WDPCP: variants seen among roughly 807,000 people sequenced by gnomAD.
The protein encoded by WDPCP is WD repeat-containing and planar cell polarity effector protein fritz homolog.
A neutral mutation model predicts 93.1 loss-of-function variants in WDPCP; 71 were observed. The ratio of observed to expected loss-of-function variants is 0.76; its 90% CI spans 0.63 to 0.93. WDPCP has a LOEUF of 0.93. WDPCP is among the 40% of genes least tolerant of loss of function. The pLI, the probability that WDPCP is intolerant of heterozygous loss-of-function variation, is 0.00. For synonymous variants in WDPCP, 315 were observed against 315.0 expected, an observed-to-expected ratio of 1.00 and a Z score of 0.00; for missense variants, 844 against 887.4, an observed-to-expected ratio of 0.95 and a Z score of 0.62.
intron 1 of WDPCP, among the ~76,000 whole-genome samples, chr2:63,500,354 AAGAT>A (rs977645246): frequency 7.9e-5 from 12 of 152,272 alleles, no homozygotes; most frequent in African/African-American, 2.9e-4. Flanking sequence ...AATAAAGTCA[AAGAT>A]AGATAGTCTG....
intron 2 of WDPCP, among the ~76,000 whole-genome samples, chr2:63,693,870 T>C (rs933982037): frequency 1.3e-5 from 2 of 152,228 alleles, no homozygotes; most frequent in African/African-American, 4.8e-5. Context: ...ATTGTATACA[T>C]CATTTATTGA....
At chr2:63,238,779 T>C (rs184651945) in intron 14 of WDPCP, among the ~76,000 whole-genome samples, 210 of 152,284 alleles carry the variant, frequency 1.4e-3, no homozygotes, top group Middle Eastern at 6.8e-3. Flanking sequence ...AGGGGAGTAA[T>C]AGGTCTTTTC....
rs185241717 is a variant in WDPCP at position 63,287,430 on chromosome 2, G to T, written c.1812+25818C>A. Reference sequence around the variant, plus strand: ...ACTCACTCACGCTACTCTTCCTGTTGTAACACCCTAATTATTCATCCTTGC... The same window carrying T: ...ACTCACTCACGCTACTCTTCCTGTTTTAACACCCTAATTATTCATCCTTGC... On this transcript the variant is annotated intron_variant, in intron 13 of 17. Coordinates refer to ENST00000272321, the MANE Select transcript of WDPCP (RefSeq NM_015910.7). Among the ~76,000 whole-genome samples the T allele has an allele frequency of 2.5e-3, 383 of 151,680 alleles. 1 individual carries two copies. Among genetic ancestry groups the T allele is most frequent in the Non-Finnish European group, 2.6e-3 (177 of 67,968 alleles).
chr2:63,817,307 G>A (rs1670951841), intron 1 of WDPCP, among the ~76,000 whole-genome samples: 2 of 151,970 alleles, frequency 1.3e-5, no homozygotes, highest in African/African-American at 2.4e-5. Flanking sequence ...ATGGGGTTTC[G>A]CCATGTTGGC....
In WDPCP at chr2:63,660,279, C is replaced by T. The variant is rs376783038; in HGVS notation, n.309-9441G>A. Among the ~76,000 whole-genome samples the T allele has an allele frequency of 2.6e-5, 4 of 152,180 alleles. No individual in the cohort carries two copies. In the South Asian group the frequency reaches 8.3e-4, roughly 31 times the overall value. On this transcript the variant is annotated intron_variant and non_coding_transcript_variant, in intron 2 of 4. Coordinates refer to the WDPCP transcript ENST00000467687. ...TCCCTGGGATGCCCCTACCTCCACA[C>T]TGGTAAATCTAAGCTCCACCCTTAA...
At chr2:63,453,144 G>C (rs984992776) in intron 6 of WDPCP, among the ~76,000 whole-genome samples, 1 of 152,156 alleles carries the variant, frequency 6.6e-6, no homozygotes, top group African/African-American at 2.4e-5. Context: ...ACTACCATCA[G>C]ACTGAACAGG....
At chr2:63,327,073 G>C (rs545989859) in intron 12 of WDPCP, among the ~76,000 whole-genome samples, 3 of 151,690 alleles carry the variant, frequency 2.0e-5, no homozygotes, top group Non-Finnish European at 4.4e-5. Flanking sequence ...ACCATACAAA[G>C]TTCTGACCAA....
chr2:63,829,736 G>A (rs898865495), upstream of WDPCP, among the ~76,000 whole-genome samples: 4 of 151,928 alleles, frequency 2.6e-5, no homozygotes, highest in Non-Finnish European at 4.4e-5. Flanking sequence ...TTACATTGTT[G>A]ATATTTGTAT....
intron 14 of WDPCP, among the ~76,000 whole-genome samples, chr2:63,176,736 A>C (rs1257062020): frequency 4.6e-5 from 7 of 152,086 alleles, no homozygotes; most frequent in Non-Finnish European, 1.0e-4. Context: ...TAATGCATAA[A>C]AGTTTTTAAG....
chr2:63,188,869 G>A (rs1216824718), intron 14 of WDPCP, among the ~76,000 whole-genome samples: 3 of 151,990 alleles, frequency 2.0e-5, no homozygotes, highest in African/African-American at 7.3e-5. Flanking sequence ...ATGCCTTGTC[G>A]TCTTTTGTTG....
chr2:63,487,495 C>T lies in WDPCP; in HGVS notation c.161-1G>A. The T allele has an allele frequency of 6.3e-7, 1 of 1,586,036 alleles. No individual in the cohort carries two copies. Among genetic ancestry groups the T allele is most frequent in the Non-Finnish European group, 8.7e-7 (1 of 1,155,980 alleles). On this transcript the variant is annotated splice_acceptor_variant, in intron 2 of 17. Coordinates refer to ENST00000272321, the MANE Select transcript of WDPCP (RefSeq NM_015910.7). LOFTEE classifies it high-confidence loss of function. ...TACTGGTAGATCCCAATGTCTCTAT[C>T]TATAGAAAGGAAGAAATAACATTAA...
intron 14 of WDPCP, among the ~76,000 whole-genome samples, chr2:63,230,816 G>C (rs905844000): frequency 9.2e-5 from 14 of 152,078 alleles, no homozygotes; most frequent in Non-Finnish European, 1.9e-4. Context: ...TAAGTTCTTT[G>C]TAGATTCTAG....
At chr2:63,661,676 T>C (rs989369258) in intron 2 of WDPCP, among the ~76,000 whole-genome samples, 2 of 152,220 alleles carry the variant, frequency 1.3e-5, no homozygotes, top group Non-Finnish European at 2.9e-5. Flanking sequence ...TGGAGATAAA[T>C]AGCTATACAC....
intron 17 of WDPCP, among the ~76,000 whole-genome samples, chr2:63,148,806 C>T (rs371286535): frequency 1.3e-5 from 2 of 151,806 alleles, no homozygotes; most frequent in East Asian, 3.9e-4. Context: ...ACATCTCATG[C>T]CATAAAAGTT....
chr2:63,311,781 A>G (rs1360995224), intron 13 of WDPCP, among the ~76,000 whole-genome samples: 1 of 152,214 alleles, frequency 6.6e-6, no homozygotes, highest in Non-Finnish European at 1.5e-5. Context: ...GCCTTTCGTG[A>G]TGTTTCTATT....
At chr2:63,249,293 C>T (rs1680529834) in intron 14 of WDPCP, among the ~76,000 whole-genome samples, 1 of 152,142 alleles carries the variant, frequency 6.6e-6, no homozygotes, top group South Asian at 2.1e-4. Context: ...GTGGCTTTCT[C>T]AATTCCCCTG....
At chr2:63,703,682 A>G (rs1669099723) in intron 2 of WDPCP, among the ~76,000 whole-genome samples, 1 of 152,032 alleles carries the variant, frequency 6.6e-6, no homozygotes, top group Non-Finnish European at 1.5e-5. Flanking sequence ...TACCAGTACC[A>G]TGCTGTTTTG....
intron 2 of WDPCP, among the ~76,000 whole-genome samples, chr2:63,745,607 G>A (rs1160145958): frequency 6.6e-6 from 1 of 151,694 alleles, no homozygotes; most frequent in East Asian, 1.9e-4. Flanking sequence ...TTATAGCTCT[G>A]CATTATGATT....
chr2:63,392,467 T>C (rs1455771154), intron 10 of WDPCP, among the ~76,000 whole-genome samples: 2 of 152,166 alleles, frequency 1.3e-5, no homozygotes, highest in Non-Finnish European at 2.9e-5. Flanking sequence ...ATTCAGGACA[T>C]AGGCATAGGC....
Sources: allele counts gnomAD v4.1 joint callset (sites outside exome capture counted in the v4.1 genomes callset), GRCh38; gene constraint gnomAD v4.1.1; transcripts MANE v1.5; gene names NCBI Gene and HGNC (gene_info 2026-07-23, HGNC 2026-07-21).